Variants in GRIN2B observed in about 807,000 individuals in gnomAD.
GRIN2B encodes glutamate ionotropic receptor NMDA type subunit 2B, also known as glutamate receptor ionotropic, NMDA 2B.
Under a neutral mutation model 114.5 loss-of-function variants are expected in GRIN2B, and 5 were observed. The observed-to-expected ratio is 0.04, with a 90% CI of 0.02 to 0.09. The LOEUF is 0.09. Among genes scored for constraint, GRIN2B ranks in the 10% least tolerant of loss-of-function variants. The pLI is 1.00. For missense variants in GRIN2B, 1,108 were observed against 1,943.5 expected (o/e 0.57, Z 8.08); for synonymous variants, 787 against 745.1 (o/e 1.06, Z -0.92).
rs1010081885 is a variant in GRIN2B, at chr12:13,928,423, T to C, written c.-19+51505A>G. Among the ~76,000 whole-genome samples the C allele has an allele frequency of 7.9e-5, 12 of 152,272 alleles. No individual in the cohort carries two copies. The East Asian group carries it at 2.1e-3, about 27-fold the overall frequency. Reference sequence around the variant, plus strand: ...ATTCTGGCTGTATAATAGATAACAATTCTAATTCAGAAGATATTTAAAGGA... The same window carrying C: ...ATTCTGGCTGTATAATAGATAACAACTCTAATTCAGAAGATATTTAAAGGA... On this transcript the variant is annotated intron_variant, in intron 2 of 13. Transcript: ENST00000609686.
At chr12:13,652,673 CA>C (rs1361355854) in intron 5 of GRIN2B, among the ~76,000 whole-genome samples, 4 of 152,106 alleles carry the variant, frequency 2.6e-5, no homozygotes, top group African/African-American at 9.7e-5. Flanking sequence ...GGCCTAACTC[CA>C]ATCACCAATG....
chr12:13,959,869 TG>T (rs1867660667), intron 2 of GRIN2B, among the ~76,000 whole-genome samples: 1 of 151,008 alleles, frequency 6.6e-6, no homozygotes, highest in Admixed American at 6.6e-5. Context: ...TTCAGGATGA[TG>T]GAACTGTAGA....
chr12:13,844,498 C>T (rs995102053), intron 3 of GRIN2B, among the ~76,000 whole-genome samples: 5 of 152,138 alleles, frequency 3.3e-5, no homozygotes, highest in Non-Finnish European at 7.4e-5. Flanking sequence ...CAAAGAATTC[C>T]GTGGCCAAAT....
rs117147914 is a variant in GRIN2B at position 13,798,063 on chromosome 12, A to G, written c.412-44148T>C. Among the ~76,000 whole-genome samples the G allele has an allele frequency of 2.0e-5, 3 of 152,350 alleles. No individual in the cohort carries two copies. The East Asian group carries it at 5.8e-4, about 29-fold the overall frequency. ...ATTCTGTATTTCTAACAAGTCCCAG[A>G]TAACATTGATGCTGCTGGCCTTTAG... On this transcript the variant is annotated intron_variant, in intron 3 of 13. Coordinates refer to ENST00000609686, the MANE Select transcript of GRIN2B (RefSeq NM_000834.5).
intron 4 of GRIN2B, among the ~76,000 whole-genome samples, chr12:13,731,763 A>G (rs1007622641): frequency 2.0e-5 from 3 of 152,012 alleles, no homozygotes; most frequent in African/African-American, 7.3e-5. Context: ...GGCCCTCATC[A>G]CCTCACATCT....
intron 3 of GRIN2B, among the ~76,000 whole-genome samples, chr12:13,845,413 C>A (rs925521051): frequency 6.6e-6 from 1 of 152,108 alleles, no homozygotes; most frequent in African/African-American, 2.4e-5. Context: ...TTTCAGTTTG[C>A]CCTTGTCCTC....
chr12:13,756,034 T>G (rs563318697), intron 3 of GRIN2B, among the ~76,000 whole-genome samples: 1 of 151,898 alleles, frequency 6.6e-6, no homozygotes, highest in Non-Finnish European at 1.5e-5. Context: ...TTCTTTTTTA[T>G]CCCCCCAGAG....
Position 13,544,815 on chromosome 12 carries a change from C to T in GRIN2B, c.*17968G>A, listed in dbSNP as rs1483104484. 1 of 152,276 alleles carries T rather than the reference C, an allele frequency of 6.6e-6. No homozygotes were observed. Among genetic ancestry groups the T allele is most frequent in the Non-Finnish European group, 1.5e-5 (1 of 68,068 alleles). 9.4% of individuals were successfully genotyped at this position (152,276 alleles called of 1,614,324 possible). ...ACATCATGGCCCAAGCAACTATGAT[C>T]TCTTACCAGGATTATTGCAAGAGCT... On this transcript the variant is annotated 3_prime_UTR_variant, in exon 14 of 14. Transcript: ENST00000609686.
chr12:13,757,846 C>A (rs922870884), intron 3 of GRIN2B, among the ~76,000 whole-genome samples: 1 of 152,172 alleles, frequency 6.6e-6, no homozygotes, highest in East Asian at 1.9e-4. Flanking sequence ...AAAAGAGGTG[C>A]TTTTTCATCT....
At chr12:13,856,796 C>T (rs1213935714) in intron 3 of GRIN2B, among the ~76,000 whole-genome samples, 1 of 152,150 alleles carries the variant, frequency 6.6e-6, no homozygotes, top group Non-Finnish European at 1.5e-5. Flanking sequence ...GCCATCTCAT[C>T]CACTCTCATG....
intron 2 of GRIN2B, among the ~76,000 whole-genome samples, chr12:13,929,563 C>T (rs1866983510): frequency 6.6e-6 from 1 of 152,274 alleles, no homozygotes; most frequent in Admixed American, 6.5e-5. Flanking sequence ...CTGCTGTATA[C>T]CTGCTGTTAC....
intron 2 of GRIN2B, among the ~76,000 whole-genome samples, chr12:13,956,549 C>T (rs1867595543): frequency 6.6e-6 from 1 of 152,156 alleles, no homozygotes; most frequent in Non-Finnish European, 1.5e-5. Context: ...AAACAAGCGC[C>T]TTTTTCTCCA....
rs759603737 is a variant in GRIN2B at position 13,621,607 on chromosome 12, G to GTTTT, written c.1126-4954_1126-4951dup. Reference sequence around the variant, plus strand: ...TTCAAGAGAAAAAAAAAATTGCCTAGTTTTTGTTTTTTTTTTTTTTTTTTT... The same window carrying GTTTT: ...TTCAAGAGAAAAAAAAAATTGCCTAGTTTTTTTTTGTTTTTTTTTTTTTTTTTTT... On this transcript the variant is annotated intron_variant, in intron 5 of 13. Coordinates refer to ENST00000609686, the MANE Select transcript of GRIN2B (RefSeq NM_000834.5). Among the ~76,000 whole-genome samples, 276 of 27,688 alleles carry GTTTT rather than the reference G, an allele frequency of 1.0e-2. 47 individuals are homozygous for GTTTT. The highest frequency in any genetic ancestry group is 0.035 in the African/African-American group (260 of 7,380). The allele number at this position is 27,688 out of a possible 152,430, so 18.2% of individuals were successfully genotyped here. A position where few individuals can be genotyped will look rare whatever the true frequency, so the allele number is the denominator to read the frequency against.
At chr12:13,867,978 T>C (rs1865853027) in intron 2 of GRIN2B, among the ~76,000 whole-genome samples, 1 of 151,784 alleles carries the variant, frequency 6.6e-6, no homozygotes, top group Non-Finnish European at 1.5e-5. Context: ...TAAAGAAAGA[T>C]AAGGAAGTGT....
At chr12:13,848,841 C>A (rs907096387) in intron 3 of GRIN2B, among the ~76,000 whole-genome samples, 17 of 152,186 alleles carry the variant, frequency 1.1e-4, no homozygotes, top group African/African-American at 3.9e-4. Context: ...GAAAGCTGAA[C>A]GGTGTCCTTA....
intron 2 of GRIN2B, among the ~76,000 whole-genome samples, chr12:13,903,434 G>T (rs1246905090): frequency 1.3e-5 from 2 of 151,962 alleles, no homozygotes; most frequent in Admixed American, 1.3e-4. Flanking sequence ...TTTAGTTATT[G>T]TTCAATTCGA....
intron 2 of GRIN2B, among the ~76,000 whole-genome samples, chr12:13,935,667 A>G (rs1867114460): frequency 6.6e-6 from 1 of 152,234 alleles, no homozygotes; most frequent in South Asian, 2.1e-4. Context: ...GAATTAAACT[A>G]AATCATACAT....
At chr12:13,609,182 T>A (rs1413091512) in intron 9 of GRIN2B, among the ~76,000 whole-genome samples, 5 of 152,148 alleles carry the variant, frequency 3.3e-5, no homozygotes, top group Non-Finnish European at 7.4e-5. Flanking sequence ...GCCAACTATG[T>A]CACTATGGTC....
chr12:13,898,688 T>C (rs775436983), intron 2 of GRIN2B, among the ~76,000 whole-genome samples: 4 of 151,876 alleles, frequency 2.6e-5, no homozygotes, highest in African/African-American at 4.8e-5. Flanking sequence ...AAGGCGGGTG[T>C]ATCACCTGAG....
Sources: gnomAD v4.1 joint callset for allele counts (sites outside exome capture counted in the v4.1 genomes callset) on GRCh38, gnomAD v4.1.1 for gene constraint, MANE v1.5 for transcripts, NCBI Gene and HGNC (gene_info 2026-07-23, HGNC 2026-07-21) for gene names.